PRKDC: variants seen among roughly 807,000 people sequenced by gnomAD.
PRKDC encodes DNA-dependent protein kinase catalytic subunit.
In PRKDC, 82 loss-of-function variants were observed where a neutral mutation model predicts 486.9. The ratio of observed to expected loss-of-function variants is 0.17; its 90% CI spans 0.14 to 0.20. The LOEUF (loss-of-function observed/expected upper bound fraction) is 0.20. PRKDC is among the 10% of genes least tolerant of loss of function. The pLI, the probability that PRKDC is intolerant of heterozygous loss-of-function variation, is 1.00. For missense variants in PRKDC, 4,504 were observed against 5,038.2 expected, an observed-to-expected ratio of 0.89 and a Z score of 3.21; for synonymous variants, 1,895 against 1,837.0, an observed-to-expected ratio of 1.03 and a Z score of -0.81.
chr8:47,902,942 C>T (rs1414428269), intron 26 of PRKDC, 147 bp from the exon 27 acceptor site: 21 of 514,460 alleles, frequency 4.1e-5, no homozygotes, highest in Admixed American at 1.9e-4. Context: ...TTAGTAAAAC[C>T]AATCTCCATA....
rs376469839 is a variant in PRKDC at position 47,858,642 on chromosome 8, T to C, written c.6346-7A>G. 2.0e-6 allele frequency: 3 copies of C among 1,498,346 alleles called. No individual in the cohort carries two copies. The highest frequency in any genetic ancestry group is 2.6e-5 in the Admixed American group (1 of 37,748). 92.8% of individuals were successfully genotyped at this position (1,498,346 alleles called of 1,614,324 possible). A position where few individuals can be genotyped will look rare whatever the true frequency, so the allele number is the denominator to read the frequency against. Reference sequence around the variant, plus strand: ...GATCTCTTGGCACTGAATCCTAAAATAAAACATTCAAAATTACCTTAAAAC... The same window carrying C: ...GATCTCTTGGCACTGAATCCTAAAACAAAACATTCAAAATTACCTTAAAAC... On this transcript the variant is annotated splice_region_variant and splice_polypyrimidine_tract_variant and intron_variant, in intron 47 of 85. Transcript: ENST00000314191.
chr8:47,778,935 C>A lies in PRKDC; in HGVS notation c.11579+69G>T. 4.1e-6 allele frequency: 6 copies of A among 1,450,816 alleles called. No homozygotes were observed. In the South Asian group the frequency reaches 6.6e-5, roughly 16 times the overall value. The allele number at this position is 1,450,816 out of a possible 1,614,324, so 89.9% of individuals were successfully genotyped here. A position where few individuals can be genotyped will look rare whatever the true frequency, so the allele number is the denominator to read the frequency against. On this transcript the variant is annotated intron_variant, in intron 81 of 85. Coordinates refer to ENST00000314191, the MANE Select transcript of PRKDC (RefSeq NM_006904.7). ...ATCTCTCTGAGGCAAAGCTAAGAAT[C>A]AAAAGAAAACATGCAATTTGCAGAA... is the stretch of plus-strand genomic sequence containing the variant.
rs1041435200 is a variant in PRKDC at position 47,842,169 on chromosome 8, C to A, written c.7281-1980G>T. Among the ~76,000 whole-genome samples the A allele has an allele frequency of 2.0e-5, 3 of 152,144 alleles. No individual in the cohort carries two copies. In the East Asian group the frequency reaches 5.8e-4, roughly 29 times the overall value. On this transcript the variant is annotated intron_variant, in intron 54 of 85. Coordinates refer to ENST00000314191, the MANE Select transcript of PRKDC (RefSeq NM_006904.7). ...TGGGGAGTGCAGCCCACCAGGGCCCCCCTTGGGGTTCAGGAAATGTGGGTA... is the reference window on the plus strand; with the variant it reads ...TGGGGAGTGCAGCCCACCAGGGCCCACCTTGGGGTTCAGGAAATGTGGGTA...
chr8:47,956,513 G>C (rs980362913), intron 3 of PRKDC, among the ~76,000 whole-genome samples: 6 of 151,228 alleles, frequency 4.0e-5, no homozygotes, highest in African/African-American at 1.5e-4. Context: ...TAGGCAACAA[G>C]GCGAAACCCT....
intron 36 of PRKDC, among the ~76,000 whole-genome samples, chr8:47,884,802 C>A (rs911934734): frequency 4.6e-5 from 7 of 152,192 alleles, no homozygotes; most frequent in Non-Finnish European, 5.9e-5. Context: ...AGTTAAATTT[C>A]AAAATCCCAG....
At chr8:47,957,749 C>T (rs574892412) in intron 1 of PRKDC, among the ~76,000 whole-genome samples, 1 of 152,280 alleles carries the variant, frequency 6.6e-6, no homozygotes, top group South Asian at 2.1e-4. Context: ...CTCCTGACCT[C>T]ACGATCAGCC....
At chr8:47,936,595 T>C (rs1589804798) in intron 11 of PRKDC, 78 bp from the exon 12 acceptor site, 5 of 1,522,520 alleles carry the variant, frequency 3.3e-6, no homozygotes, top group Middle Eastern at 1.7e-4. Flanking sequence ...TGTTAAGCCA[T>C]GTGATTATAA....
chr8:47,790,472 G>C (rs1429865556), intron 74 of PRKDC, among the ~76,000 whole-genome samples: 1 of 152,130 alleles, frequency 6.6e-6, no homozygotes, highest in Non-Finnish European at 1.5e-5. Context: ...TGTTAAATCT[G>C]TCCACACTAC....
At position 47,773,863 on chromosome 8, in the gene PRKDC, T is replaced by C. The variant is rs1563726652; in HGVS notation, c.*310A>G. On this transcript the variant is annotated 3_prime_UTR_variant, in exon 86 of 86. Transcript: ENST00000314191. ...TTACGGAGACAGCTGTTTCACTAACTTGCAGCACTTGTAAATGCTTTGAAA... is the reference window on the plus strand; with the variant it reads ...TTACGGAGACAGCTGTTTCACTAACCTGCAGCACTTGTAAATGCTTTGAAA... 1 of 268,622 alleles carries C rather than the reference T, an allele frequency of 3.7e-6. No individual in the cohort carries two copies. The highest frequency in any genetic ancestry group is 5.5e-5 in the East Asian group (1 of 18,296). The allele number at this position is 268,622 out of a possible 1,614,324, so 16.6% of individuals were successfully genotyped here.
In PRKDC at chr8:47,777,770, G is replaced by A. The variant is rs56405602; in HGVS notation, c.11958C>T (p.His3986=). Residue 3986 remains histidine, a synonymous_variant, in exon 84 of 86, where the codon CAC becomes CAT. Transcript: ENST00000314191. The part of the protein sequence containing the change: ...ETGLMYSIMV[H]ALRAFRSDPG... ...GGTCTGAGCGGAAGGCCCGGAGTGC[G>A]TGTACCATGATGCTGTACATAAGGC... The A allele has an allele frequency of 9.9e-6, 16 of 1,613,982 alleles. No individual in the cohort carries two copies. Among genetic ancestry groups the A allele is most frequent in the East Asian group, 4.5e-5 (2 of 44,882 alleles).
rs369496484 is a variant in PRKDC, at chr8:47,788,935, G to A, written c.10873C>T (p.Leu3625=). 6.2e-7 allele frequency: 1 copy of A among 1,609,354 alleles called. No individual in the cohort carries two copies. The highest frequency in any genetic ancestry group is 8.5e-7 in the Non-Finnish European group (1 of 1,178,516). The change falls in exon 76 of 86, where the codon CTG becomes TTG. Residue 3625 remains leucine (L), a synonymous_variant. Coordinates refer to ENST00000314191, the MANE Select transcript of PRKDC (RefSeq NM_006904.7). ...AALGDPKAPG[L]GAFRRKFIQT... ...ATAAACTTCCTTCTAAAGGCCCCCA[G>A]GCCTGGAGCCTTTGGGTCACCCAAG...
At position 47,879,618 on chromosome 8, in the gene PRKDC, G is replaced by A. The variant is rs1436476439; in HGVS notation, c.5108C>T (p.Thr1703Ile). The change falls in exon 39 of 86, where the codon ACT (threonine) becomes ATT (isoleucine). Residue 1703 changes from threonine to isoleucine, a missense_variant. Around this residue, in one of 6 missense-constraint regions of PRKDC, gnomAD observed 1,969 missense variants for 2,068.9 expected, o/e 0.95. Transcript: ENST00000314191. ...VTLLPFFTSL[T>I]GGSLEELRRV... ...TCTAAGTTCCTCCAGACTGCCTCCA[G>A]TGAGGCTGGTGAAGAATGGAAGAAG... The A allele has an allele frequency of 3.1e-6, 5 of 1,588,642 alleles. No homozygotes were observed. The highest frequency in any genetic ancestry group is 3.6e-5 in the Admixed American group (2 of 55,586).
intron 40 of PRKDC, among the ~76,000 whole-genome samples, chr8:47,873,027 G>C (rs2088993547): frequency 6.6e-6 from 1 of 152,130 alleles, no homozygotes; most frequent in African/African-American, 2.4e-5. Flanking sequence ...CTCAAGGATA[G>C]AGCATATGTT....
chr8:47,805,397 T>C (rs1471744845), intron 69 of PRKDC, among the ~76,000 whole-genome samples: 3 of 152,342 alleles, frequency 2.0e-5, no homozygotes, highest in East Asian at 3.9e-4. Context: ...CTGAGCATCT[T>C]TGCATGAGCT....
chr8:47,932,739 C>G (rs934539410), intron 16 of PRKDC, among the ~76,000 whole-genome samples: 3 of 152,014 alleles, frequency 2.0e-5, no homozygotes, highest in African/African-American at 2.4e-5. Context: ...TTCTGTCACT[C>G]TTTACTATTG....
intron 40 of PRKDC, among the ~76,000 whole-genome samples, chr8:47,868,373 T>A (rs574689207): frequency 1.3e-5 from 2 of 151,676 alleles, no homozygotes; most frequent in African/African-American, 4.8e-5. Flanking sequence ...CCCAGGCAAT[T>A]TAGGAAGAAC....
rs200487509 is a variant in PRKDC, at chr8:47,869,851, C to T, written c.5364-5088G>A. On this transcript the variant is annotated intron_variant, in intron 40 of 85. Transcript: ENST00000314191. ...ACTGGCAGCATTCACCACAAGCTGA[C>T]TACAGAGCCCTTGAGCCTTGAGTGA... 5.6e-4 allele frequency among the ~76,000 whole-genome samples: 86 copies of T among 152,230 alleles called. No individual in the cohort carries two copies. The East Asian group carries it at 0.012, about 22-fold the overall frequency.
intron 23 of PRKDC, among the ~76,000 whole-genome samples, 199 bp downstream of exon 23, chr8:47,915,129 T>C (rs2089966093): frequency 6.6e-6 from 1 of 152,238 alleles, no homozygotes. Context: ...CTAGAACATA[T>C]GTTCTACCAG....
chr8:47,841,103 A>C (rs1433763974), intron 54 of PRKDC, among the ~76,000 whole-genome samples: 1 of 152,162 alleles, frequency 6.6e-6, no homozygotes, highest in Non-Finnish European at 1.5e-5. Context: ...TGGAGTGACT[A>C]TATGGGGCAA....
Sources: gnomAD v4.1 joint callset for allele counts (sites outside exome capture counted in the v4.1 genomes callset) on GRCh38, gnomAD v4.1.1 for gene constraint, gnomAD v4.1.1 regional missense constraint, MANE v1.5 for transcripts, NCBI Gene and HGNC (gene_info 2026-07-23, HGNC 2026-07-21) for gene names.